TMEM108: variants seen among roughly 807,000 people sequenced by gnomAD.
TMEM108 encodes the protein transmembrane protein 108.
TMEM108 carries 12 observed loss-of-function variants against 35.1 expected under a neutral mutation model. The ratio of observed to expected loss-of-function variants is 0.34; its 90% CI spans 0.22 to 0.55. The LOEUF (loss-of-function observed/expected upper bound fraction) is 0.55. TMEM108 is among the 20% of genes least tolerant of loss of function. TMEM108 has a pLI of 0.89. For missense variants in TMEM108, 680 were observed against 753.3 expected (o/e 0.90, Z 1.14); for synonymous variants, 287 against 308.6 (o/e 0.93, Z 0.73).
chr3:133,066,528 CAT>C (rs916608527), intron 2 of TMEM108, among the ~76,000 whole-genome samples: 1 of 152,078 alleles, frequency 6.6e-6, no homozygotes, highest in Non-Finnish European at 1.5e-5. Context: ...TGCATGGACA[CAT>C]ATATGAAGCG....
Position 133,177,004 on chromosome 3 carries a change from A to C in TMEM108, c.-46-52262A>C, listed in dbSNP as rs1945241760. Among the ~76,000 whole-genome samples, 5 of 152,358 alleles carry C rather than the reference A, an allele frequency of 3.3e-5. No individual in the cohort carries two copies. In the South Asian group the frequency reaches 8.3e-4, roughly 25 times the overall value. On this transcript the variant is annotated intron_variant, in intron 2 of 5. Coordinates refer to ENST00000321871, the MANE Select transcript of TMEM108 (RefSeq NM_023943.4). ...GGGATATCACCACCAATCCCACAGA[A>C]ATACAAACTACCATCAGAGAATACT...
At chr3:133,116,711 G>A (rs1017256647) in intron 2 of TMEM108, among the ~76,000 whole-genome samples, 1 of 152,162 alleles carries the variant, frequency 6.6e-6, no homozygotes, top group South Asian at 2.1e-4. Flanking sequence ...GTTGTCAACT[G>A]TATGAGATAC....
chr3:133,151,985 A>G (rs1400038244), intron 2 of TMEM108, among the ~76,000 whole-genome samples: 1 of 152,160 alleles, frequency 6.6e-6, no homozygotes, highest in Admixed American at 6.6e-5. Flanking sequence ...ATGCTACTGT[A>G]TGCATCTACA....
chr3:133,325,718 A>T (rs902898006), intron 3 of TMEM108, among the ~76,000 whole-genome samples: 2 of 149,944 alleles, frequency 1.3e-5, no homozygotes, highest in African/African-American at 4.9e-5. Flanking sequence ...AATAAAAATA[A>T]TATATATAAA....
At chr3:133,318,683 A>T (rs958425686) in intron 3 of TMEM108, among the ~76,000 whole-genome samples, 1 of 152,134 alleles carries the variant, frequency 6.6e-6, no homozygotes, top group East Asian at 1.9e-4. Flanking sequence ...AATAAATCAT[A>T]AGAAAAAAGA....
At chr3:133,122,819 C>T (rs575685202) in intron 2 of TMEM108, among the ~76,000 whole-genome samples, 10 of 147,698 alleles carry the variant, frequency 6.8e-5, no homozygotes, top group South Asian at 4.3e-4. Context: ...GCTGAGATCA[C>T]GCCACTGTAC....
chr3:133,063,218 A>G (rs192689698), intron 2 of TMEM108, among the ~76,000 whole-genome samples: 2 of 152,098 alleles, frequency 1.3e-5, no homozygotes, highest in Non-Finnish European at 2.9e-5. Context: ...TATTGGAATG[A>G]TCATCTCTGT....
chr3:133,193,431 A>T (rs60451444), intron 2 of TMEM108, among the ~76,000 whole-genome samples: 2,608 of 151,624 alleles, frequency 0.017, 96 homozygotes, highest in African/African-American at 0.059. Flanking sequence ...GAAACTCTAC[A>T]TTTTTTTTTA....
chr3:133,154,112 C>T (rs945435036), intron 2 of TMEM108, among the ~76,000 whole-genome samples: 3 of 152,014 alleles, frequency 2.0e-5, no homozygotes, highest in Admixed American at 6.5e-5. Flanking sequence ...TGTTCATATC[C>T]ATCGCCCACT....
chr3:133,351,905 G>C (rs1035791226), intron 3 of TMEM108, among the ~76,000 whole-genome samples: 6 of 152,094 alleles, frequency 3.9e-5, no homozygotes, highest in African/African-American at 1.4e-4. Flanking sequence ...TTTCAGTCTT[G>C]GCTTCACATT....
chr3:133,367,823 C>T (rs1310734867), intron 3 of TMEM108, among the ~76,000 whole-genome samples: 1 of 152,204 alleles, frequency 6.6e-6, no homozygotes, highest in Non-Finnish European at 1.5e-5. Flanking sequence ...CCACTAGCCG[C>T]TGCCTCTTCT....
intron 3 of TMEM108, among the ~76,000 whole-genome samples, chr3:133,363,099 C>T (rs2072402831): frequency 6.6e-6 from 1 of 152,154 alleles, no homozygotes; most frequent in African/African-American, 2.4e-5. Context: ...GTGTGGCCTT[C>T]CCTGCCCTGC....
intron 3 of TMEM108, among the ~76,000 whole-genome samples, chr3:133,250,911 T>C (rs928859309): frequency 6.6e-6 from 1 of 152,226 alleles, no homozygotes; most frequent in Non-Finnish European, 1.5e-5. Context: ...CTCCCATCTC[T>C]TAAAGCAGAA....
intron 2 of TMEM108, among the ~76,000 whole-genome samples, chr3:133,051,212 A>G (rs1943400844): frequency 1.3e-5 from 2 of 152,026 alleles, no homozygotes; most frequent in African/African-American, 2.4e-5. Context: ...ATTCTAATAA[A>G]TGTGTAATGA....
intron 3 of TMEM108, among the ~76,000 whole-genome samples, chr3:133,265,157 C>T (rs1005841385): frequency 2.0e-5 from 3 of 152,174 alleles, no homozygotes; most frequent in Admixed American, 6.5e-5. Flanking sequence ...CAGATGGATC[C>T]GATTAGCATA....
intron 2 of TMEM108, among the ~76,000 whole-genome samples, chr3:133,094,373 A>C (rs1415398801): frequency 6.6e-6 from 1 of 152,058 alleles, no homozygotes; most frequent in Non-Finnish European, 1.5e-5. Flanking sequence ...GCCTTGGATA[A>C]GTTAGCAAAT....
intron 2 of TMEM108, among the ~76,000 whole-genome samples, chr3:133,152,114 A>G (rs1944810960): frequency 6.6e-6 from 1 of 152,198 alleles, no homozygotes; most frequent in Non-Finnish European, 1.5e-5. Flanking sequence ...CCAAAATGCC[A>G]GTAGAACATT....
At chr3:133,266,642 C>G (rs964437577) in intron 3 of TMEM108, among the ~76,000 whole-genome samples, 5 of 152,136 alleles carry the variant, frequency 3.3e-5, no homozygotes, top group African/African-American at 1.2e-4. Context: ...CTGATATGTT[C>G]TCCTGATTAA....
At chr3:133,235,324 G>T (rs1477426069) in intron 3 of TMEM108, among the ~76,000 whole-genome samples, 3 of 152,088 alleles carry the variant, frequency 2.0e-5, no homozygotes, top group Non-Finnish European at 4.4e-5. Flanking sequence ...AACAAAGCTG[G>T]AGGCATCACG....
Sources: gnomAD v4.1 joint callset for allele counts (sites outside exome capture counted in the v4.1 genomes callset) on GRCh38, gnomAD v4.1.1 for gene constraint, MANE v1.5 for transcripts, NCBI Gene and HGNC (gene_info 2026-07-23, HGNC 2026-07-21) for gene names.